Variants in DPYD observed in about 807,000 individuals in gnomAD.
The protein encoded by DPYD is dihydropyrimidine dehydrogenase [NADP(+)].
In DPYD, 109 loss-of-function variants were observed where a neutral mutation model predicts 116.2. The ratio of observed to expected loss-of-function variants is 0.94; its 90% CI spans 0.80 to 1.10. The LOEUF is 1.10. Ranked by LOEUF, DPYD falls within the 50% of genes least tolerant of loss-of-function variation. The probability of loss-of-function intolerance (pLI) is 0.00; values close to 1 mark genes in which losing one functional copy is unlikely to be tolerated. For synonymous variants in DPYD, 440 were observed against 432.0 expected, an observed-to-expected ratio of 1.02 and a Z score of -0.23; for missense variants, 1,302 against 1,254.5, an observed-to-expected ratio of 1.04 and a Z score of -0.57.
chr1:97,373,547 G>A lies in DPYD; in HGVS notation c.2058+14C>T, dbSNP rs1283493400. ...CACACTGACATACTTAGTGGCAGCT[G>A]TCAAGGTCCTTACCTGCCCACAGGC... On this transcript the variant is annotated intron_variant, in intron 16 of 22. Transcript: ENST00000370192. 6.2e-7 allele frequency: 1 copy of A among 1,612,328 alleles called. No homozygotes were observed. Among genetic ancestry groups the A allele is most frequent in the Non-Finnish European group, 8.5e-7 (1 of 1,178,602 alleles).
rs543621388 is a variant in DPYD at position 97,861,325 on chromosome 1, A to G, written c.150+21939T>C. On this transcript the variant is annotated intron_variant, in intron 2 of 22. Coordinates refer to ENST00000370192, the MANE Select transcript of DPYD (RefSeq NM_000110.4). The stretch of plus-strand genomic sequence containing the variant: ...AGACTTTGTATCATTGTAAAGACTT[A>G]CCAAGTTTTACACAAAAGTAGTGGG... Among the ~76,000 whole-genome samples, 123 of 152,096 alleles carry G rather than the reference A, an allele frequency of 8.1e-4. 1 individual carries two copies. The highest frequency in any genetic ancestry group is 2.6e-3 in the African/African-American group (110 of 41,572).
chr1:97,724,298 GGGGGGGGGGGTGTGTGT>G (rs1663092020), intron 4 of DPYD, among the ~76,000 whole-genome samples: 4 of 18,696 alleles, frequency 2.1e-4, no homozygotes, highest in African/African-American at 7.3e-4. Context: ...GTATGTGGGG[GGGGGGGGGGGTGTGTGT>G]GTGTGTGTGT....
At chr1:97,611,795 T>G (rs1224932412) in intron 8 of DPYD, among the ~76,000 whole-genome samples, 1 of 152,066 alleles carries the variant, frequency 6.6e-6, no homozygotes, top group Non-Finnish European at 1.5e-5. Flanking sequence ...GAGATTAGGA[T>G]TTTTTGTAAT....
At chr1:97,705,386 G>C (rs930998259) in intron 5 of DPYD, among the ~76,000 whole-genome samples, 1 of 151,888 alleles carries the variant, frequency 6.6e-6, no homozygotes, top group Admixed American at 6.6e-5. Context: ...TGCAGTGTTT[G>C]GTTTTTTTGT....
intron 19 of DPYD, among the ~76,000 whole-genome samples, chr1:97,220,674 G>C (rs928545713): frequency 6.6e-6 from 1 of 152,098 alleles, no homozygotes; most frequent in Admixed American, 6.6e-5. Flanking sequence ...ATGTAACTAA[G>C]ATAAACTTTT....
At chr1:97,384,030 A>G (rs928519067) in intron 14 of DPYD, among the ~76,000 whole-genome samples, 1 of 152,094 alleles carries the variant, frequency 6.6e-6, no homozygotes, top group Non-Finnish European at 1.5e-5. Context: ...GATCACTTGA[A>G]TCCAGGTGTT....
At chr1:97,318,183 A>G (rs1667984300) in intron 16 of DPYD, among the ~76,000 whole-genome samples, 1 of 146,218 alleles carries the variant, frequency 6.8e-6, no homozygotes, top group Non-Finnish European at 1.5e-5. Context: ...TAACGAGCAA[A>G]ATCACCAGCT....
chr1:97,437,159 T>G (rs1471134408), intron 14 of DPYD, among the ~76,000 whole-genome samples: 1 of 151,864 alleles, frequency 6.6e-6, no homozygotes, highest in Admixed American at 6.6e-5. Flanking sequence ...AAAGTTTCCA[T>G]GTGACTCTTT....
At chr1:97,248,539 C>A (rs1310414512) in intron 18 of DPYD, among the ~76,000 whole-genome samples, 4 of 152,182 alleles carry the variant, frequency 2.6e-5, no homozygotes, top group African/African-American at 9.6e-5. Flanking sequence ...TGGACTAATA[C>A]ATGGTTTAAC....
intron 14 of DPYD, 76 bp from the exon 15 acceptor site, chr1:97,382,537 T>A (rs372684608): frequency 2.6e-6 from 2 of 782,850 alleles, no homozygotes; most frequent in East Asian, 3.0e-5. Flanking sequence ...AATATTTACA[T>A]AAATTTATAA....
intron 3 of DPYD, among the ~76,000 whole-genome samples, chr1:97,818,615 T>C (rs2101433379): frequency 6.6e-6 from 1 of 152,132 alleles, no homozygotes; most frequent in South Asian, 2.1e-4. Context: ...TTCTTCTATT[T>C]CCCCAATTAA....
chr1:97,382,444 A>G lies in DPYD; in HGVS notation c.1923T>C (p.Ile641=). ...AGTCATTTTTATTGTAACTGCACAT[A>G]ATGCTAGCAATCACAATCTTTAAAA... The part of the protein sequence containing the change: ...DFPDNIVIAS[I]MCSYNKNDWT... The change falls in exon 15 of 23, where the codon ATT becomes ATC. Residue 641 remains isoleucine, a synonymous_variant. Transcript: ENST00000370192. 6.3e-7 allele frequency: 1 copy of G among 1,590,304 alleles called. No homozygotes were observed.
intron 19 of DPYD, among the ~76,000 whole-genome samples, chr1:97,196,476 C>T (rs1658822766): frequency 6.6e-6 from 1 of 152,020 alleles, no homozygotes; most frequent in African/African-American, 2.4e-5. Flanking sequence ...AGTTATTTTA[C>T]ATTTCAGAAT....
chr1:97,168,993 C>G (rs1656524872), intron 20 of DPYD, among the ~76,000 whole-genome samples: 1 of 151,886 alleles, frequency 6.6e-6, no homozygotes, highest in Non-Finnish European at 1.5e-5. Context: ...ATTACAGGCA[C>G]CCACCACCAT....
At chr1:97,216,844 G>A (rs981426553) in intron 19 of DPYD, among the ~76,000 whole-genome samples, 2 of 151,946 alleles carry the variant, frequency 1.3e-5, no homozygotes, top group Admixed American at 6.5e-5. Context: ...ATTTCCAATT[G>A]AGTAAATATT....
intron 18 of DPYD, among the ~76,000 whole-genome samples, chr1:97,248,276 T>C (rs1251481377): frequency 1.3e-5 from 2 of 152,116 alleles, no homozygotes; most frequent in African/African-American, 2.4e-5. Flanking sequence ...TGGGAGGTGA[T>C]TGGATTATGG....
intron 7 of DPYD, chr1:97,691,505 A>G (rs542818044): frequency 7.9e-5 from 40 of 508,410 alleles, no homozygotes; most frequent in African/African-American, 7.3e-4. Context: ...GGCATGCCAG[A>G]TGAGAACTAT....
In DPYD at chr1:97,573,941, T is replaced by C. The variant is rs1418812063; in HGVS notation, c.1158A>G (p.Glu386=). Residue 386 remains glutamate, a synonymous_variant, in exon 11 of 23, where the codon GAA becomes GAG. Coordinates refer to ENST00000370192, the MANE Select transcript of DPYD (RefSeq NM_000110.4). ...TCCGTGGGGACAGGAATGGCAGAAA[T>C]TCACACTTTTCTTCCTTAGCAAGTT... is the stretch of plus-strand genomic sequence containing the variant. ...EMELAKEEKC[E]FLPFLSPRKV... The C allele has an allele frequency of 1.9e-6, 3 of 1,613,490 alleles. No individual in the cohort carries two copies. The highest frequency in any genetic ancestry group is 2.5e-6 in the Non-Finnish European group (3 of 1,179,630).
chr1:97,377,946 G>A (rs1671732808), intron 15 of DPYD, among the ~76,000 whole-genome samples: 1 of 152,252 alleles, frequency 6.6e-6, no homozygotes, highest in African/African-American at 2.4e-5. Context: ...GGACATCAGA[G>A]CTCAAGTAGG....
Sources: gnomAD v4.1 joint callset for allele counts (sites outside exome capture counted in the v4.1 genomes callset) on GRCh38, gnomAD v4.1.1 for gene constraint, MANE v1.5 for transcripts, NCBI Gene and HGNC (gene_info 2026-07-23, HGNC 2026-07-21) for gene names.